Variants in DAPK1 observed in about 807,000 individuals in gnomAD.
DAPK1 encodes death associated protein kinase 1, also known as death-associated protein kinase 1.
In DAPK1, 56 loss-of-function variants were observed where a neutral mutation model predicts 144.9. The observed-to-expected ratio is 0.39, with a 90% CI of 0.31 to 0.48. DAPK1 has a LOEUF of 0.48. Among genes scored for constraint, DAPK1 ranks in the 20% least tolerant of loss-of-function variants. The pLI, the probability that DAPK1 is intolerant of heterozygous loss-of-function variation, is 0.95. For missense variants in DAPK1, 1,454 were observed against 1,875.4 expected, an observed-to-expected ratio of 0.78 and a Z score of 4.15; for synonymous variants, 690 against 749.0, an observed-to-expected ratio of 0.92 and a Z score of 1.29.
intron 2 of DAPK1, among the ~76,000 whole-genome samples, chr9:87,524,683 A>G (rs1563974372): frequency 6.6e-6 from 1 of 152,224 alleles, no homozygotes; most frequent in African/African-American, 2.4e-5. Flanking sequence ...ACTATGGTAT[A>G]TATACATGAT....
intron 3 of DAPK1, 67 bp downstream of exon 3, chr9:87,605,242 C>A: frequency 7.6e-7 from 1 of 1,320,888 alleles, no homozygotes; most frequent in Non-Finnish European, 1.1e-6. Context: ...TTCGTTCCAG[C>A]TGGACCACGC....
chr9:87,624,837 T>A (rs559487838), intron 3 of DAPK1, among the ~76,000 whole-genome samples: 30 of 152,262 alleles, frequency 2.0e-4, no homozygotes, highest in South Asian at 8.3e-4. Flanking sequence ...GGAATTGACT[T>A]AAAGAGCAAC....
At chr9:87,537,584 A>T (rs966739812) in intron 2 of DAPK1, among the ~76,000 whole-genome samples, 8 of 149,198 alleles carry the variant, frequency 5.4e-5, no homozygotes, top group Non-Finnish European at 8.9e-5. Context: ...GCATGTGTGT[A>T]GATGTGTAGT....
Position 87,595,992 on chromosome 9 carries a change from C to T in DAPK1, c.63-8962C>T, listed in dbSNP as rs36206208. On this transcript the variant is annotated intron_variant, in intron 2 of 25. Transcript: ENST00000408954. ...GATAATAATAATTTTTTAAAAATCA[C>T]CGCTTTGCTTTTTTTTTTGGTAAAA... 2.2e-3 allele frequency among the ~76,000 whole-genome samples: 330 copies of T among 152,238 alleles called. 7 individuals carry two copies. The South Asian group carries it at 0.035, about 16-fold the overall frequency.
chr9:87,621,269 G>T (rs36209077), intron 3 of DAPK1, among the ~76,000 whole-genome samples: 5,364 of 152,268 alleles, frequency 0.035, 174 homozygotes, highest in East Asian at 0.12. Context: ...GGTCCAGCAG[G>T]ATACTCCAGG....
intron 14 of DAPK1, among the ~76,000 whole-genome samples, chr9:87,648,057 C>T (rs1008364919): frequency 1.3e-5 from 2 of 152,194 alleles, no homozygotes; most frequent in Non-Finnish European, 2.9e-5. Flanking sequence ...ACTAATTTGA[C>T]GTTTAGTCAA....
chr9:87,538,452 A>G (rs902707755), intron 2 of DAPK1, among the ~76,000 whole-genome samples: 2 of 152,198 alleles, frequency 1.3e-5, no homozygotes, highest in Non-Finnish European at 2.9e-5. Flanking sequence ...TGCTCATGTT[A>G]TATACATAAA....
intron 2 of DAPK1, among the ~76,000 whole-genome samples, chr9:87,565,503 T>G (rs529807630): frequency 6.6e-6 from 1 of 152,248 alleles, no homozygotes; most frequent in South Asian, 2.1e-4. Context: ...TGCAGCAGGC[T>G]AATAGGAGAA....
At chr9:87,537,728 G>A (rs1172319120) in intron 2 of DAPK1, among the ~76,000 whole-genome samples, 1 of 152,168 alleles carries the variant, frequency 6.6e-6, no homozygotes. Flanking sequence ...GTTCTTAATG[G>A]AGAAGGATTT....
At chr9:87,528,206 CT>C in intron 2 of DAPK1, among the ~76,000 whole-genome samples, 1 of 129,754 alleles carries the variant, frequency 7.7e-6, no homozygotes, top group African/African-American at 3.0e-5. Flanking sequence ...AGTGCGTTTT[CT>C]TTTCTTTCTT....
At chr9:87,652,377 G>T in intron 17 of DAPK1, among the ~76,000 whole-genome samples, 2 of 72,352 alleles carry the variant, frequency 2.8e-5, no homozygotes, top group Non-Finnish European at 5.6e-5. Context: ...CCTGATCCCG[G>T]GTCCTGATTC....
At chr9:87,537,569 A>G (rs1439126368) in intron 2 of DAPK1, among the ~76,000 whole-genome samples, 1 of 151,826 alleles carries the variant, frequency 6.6e-6, no homozygotes, top group Non-Finnish European at 1.5e-5. Context: ...TGTCTGGAGT[A>G]TCTGGCATGT....
At chr9:87,603,617 G>A (rs36207158) in intron 2 of DAPK1, among the ~76,000 whole-genome samples, 47 of 152,190 alleles carry the variant, frequency 3.1e-4, no homozygotes, top group African/African-American at 1.0e-3. Flanking sequence ...TTTTGTCTTC[G>A]TGTGAGGATA....
In DAPK1 at chr9:87,637,935, G is replaced by A; in HGVS notation, c.285-8G>A. 1 of 1,613,220 alleles carries A rather than the reference G, an allele frequency of 6.2e-7. No homozygotes were observed. The highest frequency in any genetic ancestry group is 1.7e-5 in the Admixed American group (1 of 59,952). ...TGTTACCAATAACCTCTGCTTCCGGGTTCTCAGCGTTGCAGGTGGCGAGCT... is the reference window on the plus strand; with the variant it reads ...TGTTACCAATAACCTCTGCTTCCGGATTCTCAGCGTTGCAGGTGGCGAGCT... On this transcript the variant is annotated splice_region_variant and splice_polypyrimidine_tract_variant and intron_variant, in intron 3 of 25. Transcript: ENST00000408954.
intron 2 of DAPK1, among the ~76,000 whole-genome samples, chr9:87,573,320 CCCAT>C (rs1166371171): frequency 1.3e-5 from 2 of 152,256 alleles, no homozygotes; most frequent in Non-Finnish European, 2.9e-5. Flanking sequence ...TCCAGGCAAG[CCCAT>C]CGTGCACTGC....
chr9:87,566,724 C>T (rs900485049), intron 2 of DAPK1, among the ~76,000 whole-genome samples: 5 of 152,068 alleles, frequency 3.3e-5, no homozygotes, highest in African/African-American at 9.7e-5. Context: ...GACTGATGTT[C>T]GGAATGAGAA....
At chr9:87,679,355 G>C (rs929873392) in intron 19 of DAPK1, among the ~76,000 whole-genome samples, 2 of 152,094 alleles carry the variant, frequency 1.3e-5, no homozygotes, top group African/African-American at 4.8e-5. Flanking sequence ...AGCAGAGGGG[G>C]TCCTCCTGGG....
At chr9:87,584,297 A>G (rs983314813) in intron 2 of DAPK1, among the ~76,000 whole-genome samples, 1 of 151,882 alleles carries the variant, frequency 6.6e-6, no homozygotes, top group Admixed American at 6.6e-5. Context: ...TTCTCTTACC[A>G]TTTTTTCTGG....
chr9:87,689,059 T>C (rs57249595), intron 21 of DAPK1, among the ~76,000 whole-genome samples: 10,117 of 152,228 alleles, frequency 0.066, 874 homozygotes, highest in African/African-American at 0.19. Flanking sequence ...AGGATTCTTA[T>C]AGTTTTGAGG....
Sources: gnomAD v4.1 joint callset for allele counts (sites outside exome capture counted in the v4.1 genomes callset) on GRCh38, gnomAD v4.1.1 for gene constraint, MANE v1.5 for transcripts, NCBI Gene and HGNC (gene_info 2026-07-23, HGNC 2026-07-21) for gene names.